SRGAP2: variants seen among roughly 807,000 people sequenced by gnomAD.
SRGAP2 encodes SLIT-ROBO Rho GTPase-activating protein 2.
In SRGAP2, 15 loss-of-function variants were observed where a neutral mutation model predicts 57.2. The observed-to-expected ratio is 0.26, with a 90% CI of 0.18 to 0.40. The LOEUF is 0.40. Among genes scored for constraint, SRGAP2 ranks in the 10% least tolerant of loss-of-function variants. The pLI is 1.00. For synonymous variants in SRGAP2, 249 were observed against 248.0 expected (o/e 1.00, Z -0.04); for missense variants, 520 against 669.6 (o/e 0.78, Z 2.47).
intron 8 of SRGAP2, among the ~76,000 whole-genome samples, chr1:206,404,807 G>A (rs1294459735): frequency 1.3e-5 from 2 of 151,500 alleles, no homozygotes; most frequent in Non-Finnish European, 3.0e-5. Flanking sequence ...AACACATGCT[G>A]GCTGCCAGCA....
chr1:206,340,690 A>C (rs1675120571), intron 3 of SRGAP2, among the ~76,000 whole-genome samples: 1 of 147,730 alleles, frequency 6.8e-6, no homozygotes. Flanking sequence ...TGTAACTGAA[A>C]TCTAATTGGA....
chr1:206,390,983 G>C (rs1369458856), intron 5 of SRGAP2, among the ~76,000 whole-genome samples: 3 of 152,184 alleles, frequency 2.0e-5, no homozygotes, highest in African/African-American at 7.2e-5. Context: ...GTAGGGGCTA[G>C]ATTAGTATAC....
intron 3 of SRGAP2, among the ~76,000 whole-genome samples, chr1:206,311,443 G>A (rs184357955): frequency 6.6e-6 from 1 of 152,280 alleles, no homozygotes; most frequent in Non-Finnish European, 1.5e-5. Flanking sequence ...CCAGTGCTAG[G>A]CATTGATCCT....
intron 14 of SRGAP2, among the ~76,000 whole-genome samples, chr1:206,432,322 T>C (rs1314193037): frequency 2.0e-5 from 3 of 152,178 alleles, no homozygotes; most frequent in Non-Finnish European, 4.4e-5. Context: ...TATATGTTAC[T>C]AATGGGAATG....
intron 16 of SRGAP2, among the ~76,000 whole-genome samples, chr1:206,438,944 C>T (rs1662022641): frequency 6.6e-6 from 1 of 152,196 alleles, no homozygotes; most frequent in Non-Finnish European, 1.5e-5. Context: ...ATTTGGGAAG[C>T]TGGCTCTCTG....
chr1:206,423,948 TA>T (rs1457887200), intron 13 of SRGAP2, among the ~76,000 whole-genome samples: 6 of 136,620 alleles, frequency 4.4e-5, no homozygotes, highest in African/African-American at 8.8e-5. Flanking sequence ...CTAATTTATG[TA>T]TTTTTTTTTT....
intron 2 of SRGAP2, among the ~76,000 whole-genome samples, chr1:206,230,864 G>T (rs1273497501): frequency 6.9e-6 from 1 of 144,314 alleles, no homozygotes; most frequent in Non-Finnish European, 1.5e-5. Flanking sequence ...TTGACCTCGT[G>T]ATCCGCTTAC....
intron 3 of SRGAP2, among the ~76,000 whole-genome samples, chr1:206,337,154 C>T (rs1223090941): frequency 6.7e-6 from 1 of 149,408 alleles, no homozygotes; most frequent in Non-Finnish European, 1.5e-5. Context: ...AATCTGTGCT[C>T]CCTTTGGATT....
chr1:206,307,807 G>A (rs1208946875), intron 3 of SRGAP2, among the ~76,000 whole-genome samples: 1 of 151,890 alleles, frequency 6.6e-6, no homozygotes, highest in African/African-American at 2.4e-5. Flanking sequence ...AGCGCCGCAC[G>A]CAGCCCCGGT....
At position 206,453,007 on chromosome 1, in the gene SRGAP2, G is replaced by A. The variant is rs143872859; in HGVS notation, c.2180-193G>A. ...ACAGTGTGAGCAAAGGCAGGTAAAA[G>A]GTGATACCAGTGCTTTCAGGATAAT... On this transcript the variant is annotated intron_variant, in intron 19 of 22. Coordinates refer to ENST00000573034, the MANE Select transcript of SRGAP2 (RefSeq NM_015326.5). Among the ~76,000 whole-genome samples the A allele has an allele frequency of 2.8e-3, 431 of 151,904 alleles. 1 individual carries two copies. The highest frequency in any genetic ancestry group is 4.1e-3 in the Non-Finnish European group (276 of 68,000).
intron 3 of SRGAP2, among the ~76,000 whole-genome samples, chr1:206,318,640 C>T (rs1553326666): frequency 1.3e-5 from 2 of 152,184 alleles, no homozygotes; most frequent in South Asian, 2.1e-4. Flanking sequence ...AGGCATGGTG[C>T]TGGTGTCTGC....
chr1:206,440,219 C>CTTAT, intron 17 of SRGAP2, 138 bp downstream of exon 17: 1 of 611,710 alleles, frequency 1.6e-6, no homozygotes, highest in Non-Finnish European at 2.9e-6. Context: ...CAGTGCTAGA[C>CTTAT]TTATTTAATA....
At chr1:206,423,274 A>C (rs1301971435) in intron 13 of SRGAP2, among the ~76,000 whole-genome samples, 1 of 152,188 alleles carries the variant, frequency 6.6e-6, no homozygotes, top group Admixed American at 6.5e-5. Flanking sequence ...TCTAAATTGA[A>C]GCATTTCTCC....
intron 2 of SRGAP2, among the ~76,000 whole-genome samples, chr1:206,260,953 T>G (rs1553313414): frequency 6.6e-6 from 1 of 152,234 alleles, no homozygotes; most frequent in African/African-American, 2.4e-5. Context: ...CTGACATCCC[T>G]TCATAACTTA....
At chr1:206,256,310 T>C (rs1269460935) in intron 2 of SRGAP2, among the ~76,000 whole-genome samples, 52 of 152,214 alleles carry the variant, frequency 3.4e-4, no homozygotes, top group Non-Finnish European at 8.8e-5. Context: ...GCTGAACAAT[T>C]TGGGAGTCTG....
At chr1:206,208,759 T>G (rs1228262473) in intron 2 of SRGAP2, among the ~76,000 whole-genome samples, 30 of 151,784 alleles carry the variant, frequency 2.0e-4, no homozygotes, top group Admixed American at 3.3e-4. Flanking sequence ...CTGCCAGACT[T>G]ACTTCTCTTA....
In SRGAP2 at chr1:206,462,805, C is replaced by T. The variant is rs1553381417; in HGVS notation, c.*1385C>T. 1 of 152,182 alleles carries T rather than the reference C, an allele frequency of 6.6e-6. No individual in the cohort carries two copies. Among genetic ancestry groups the T allele is most frequent in the African/African-American group, 2.4e-5 (1 of 41,446 alleles). The allele number at this position is 152,182 out of a possible 1,614,324, so 9.4% of individuals were successfully genotyped here. ...TGGTTCCCTTCCAAAATGCACAAATCATACCCTTGTCTGCTCCAATTCAGT... is the reference window on the plus strand; with the variant it reads ...TGGTTCCCTTCCAAAATGCACAAATTATACCCTTGTCTGCTCCAATTCAGT... On this transcript the variant is annotated 3_prime_UTR_variant, in exon 23 of 23. Coordinates refer to ENST00000573034, the MANE Select transcript of SRGAP2 (RefSeq NM_015326.5).
intron 4 of SRGAP2, among the ~76,000 whole-genome samples, chr1:206,363,587 TGTC>T (rs1677068098): frequency 6.6e-6 from 1 of 151,870 alleles, no homozygotes. Context: ...TCACACATGA[TGTC>T]GAGGTGAACT....
chr1:206,391,707 T>C (rs532289753), intron 5 of SRGAP2, among the ~76,000 whole-genome samples: 157 of 150,646 alleles, frequency 1.0e-3, no homozygotes, highest in African/African-American at 3.8e-3. Context: ...GGCATCACAC[T>C]TTCAGCACTC....
Sources: gnomAD v4.1 joint callset for allele counts (sites outside exome capture counted in the v4.1 genomes callset) on GRCh38, gnomAD v4.1.1 for gene constraint, MANE v1.5 for transcripts, NCBI Gene and HGNC (gene_info 2026-07-23, HGNC 2026-07-21) for gene names.